CACNA1B: variants seen among roughly 807,000 people sequenced by gnomAD.
CACNA1B encodes the protein voltage-dependent N-type calcium channel subunit alpha-1B.
Under a neutral mutation model 247.2 loss-of-function variants are expected in CACNA1B, and 70 were observed. That is an observed-to-expected ratio of 0.28 (90% confidence interval 0.23 to 0.35). The LOEUF is 0.35. CACNA1B is among the 10% of genes least tolerant of loss of function. CACNA1B has a pLI of 1.00. For missense variants in CACNA1B, 2,367 were observed against 3,197.4 expected (o/e 0.74, Z 6.26); for synonymous variants, 1,231 against 1,294.4 (o/e 0.95, Z 1.05).
At chr9:138,089,062 A>G (rs539388919) in intron 36 of CACNA1B, among the ~76,000 whole-genome samples, 77 of 151,542 alleles carry the variant, frequency 5.1e-4, no homozygotes, top group Non-Finnish European at 8.8e-4. Flanking sequence ...AAGAACTAAC[A>G]CCTGTTCTTC....
intron 36 of CACNA1B, among the ~76,000 whole-genome samples, chr9:138,088,897 T>G (rs961968303): frequency 7.3e-6 from 1 of 137,770 alleles, no homozygotes; most frequent in African/African-American, 2.7e-5. Context: ...AGGCAGAGGT[T>G]GTAGTGACCG....
At chr9:137,894,630 G>T (rs1036062818) in intron 3 of CACNA1B, among the ~76,000 whole-genome samples, 8 of 152,024 alleles carry the variant, frequency 5.3e-5, no homozygotes, top group Non-Finnish European at 8.8e-5. Flanking sequence ...GGATGATCTC[G>T]ATCTCCTGAC....
intron 6 of CACNA1B, among the ~76,000 whole-genome samples, chr9:137,937,947 C>CAAAAAAAAAAAAA (rs57680122): frequency 1.4e-4 from 3 of 21,934 alleles, no homozygotes; most frequent in Non-Finnish European, 1.8e-4. Context: ...AACTCTGTCT[C>CAAAAAAAAAAAAA]AAAAAAAAAA....
intron 15 of CACNA1B, among the ~76,000 whole-genome samples, chr9:137,989,209 G>A (rs2133386258): frequency 6.6e-6 from 1 of 152,268 alleles, no homozygotes; most frequent in East Asian, 1.9e-4. Context: ...TATGAAAAAA[G>A]GCACCTAAGA....
intron 36 of CACNA1B, among the ~76,000 whole-genome samples, chr9:138,096,236 G>A (rs1340933667): frequency 6.6e-6 from 1 of 152,164 alleles, no homozygotes; most frequent in Non-Finnish European, 1.5e-5. Context: ...GAGGAAGGGA[G>A]GGAGGGTCAT....
intron 3 of CACNA1B, among the ~76,000 whole-genome samples, chr9:137,905,848 C>T (rs535382777): frequency 2.6e-5 from 4 of 152,334 alleles, no homozygotes; most frequent in South Asian, 2.1e-4. Context: ...TGTCACCTCC[C>T]GACAAGTGAA....
At chr9:137,994,799 C>T (rs1958476890) in intron 15 of CACNA1B, among the ~76,000 whole-genome samples, 1 of 152,192 alleles carries the variant, frequency 6.6e-6, no homozygotes, top group Non-Finnish European at 1.5e-5. Flanking sequence ...AAGCAATCTA[C>T]AAATTCAATG....
At chr9:138,034,563 G>C (rs1959021189) in intron 20 of CACNA1B, among the ~76,000 whole-genome samples, 1 of 151,688 alleles carries the variant, frequency 6.6e-6, no homozygotes, top group African/African-American at 2.4e-5. Context: ...ACTAGGGAGA[G>C]CTGGGTTTAT....
At chr9:138,022,915 C>T in intron 18 of CACNA1B, 96 bp from the exon 19 acceptor site, 1 of 1,367,682 alleles carries the variant, frequency 7.3e-7, no homozygotes, top group Non-Finnish European at 9.4e-7. Flanking sequence ...CACCTCCCTG[C>T]GCCATTACTC....
At chr9:138,055,702 C>T (rs1229819860) in intron 26 of CACNA1B, among the ~76,000 whole-genome samples, 3 of 152,102 alleles carry the variant, frequency 2.0e-5, no homozygotes, top group Non-Finnish European at 4.4e-5. Flanking sequence ...CATTCTTACC[C>T]AGTGTAATGG....
At position 138,121,450 on chromosome 9, in the gene CACNA1B, C is replaced by A; in HGVS notation, c.6490-19C>A. The A allele has an allele frequency of 3.7e-5, 34 of 912,904 alleles. No homozygotes were observed. Among genetic ancestry groups the A allele is most frequent in the Non-Finnish European group, 5.0e-5 (32 of 639,852 alleles). 56.6% of individuals were successfully genotyped at this position (912,904 alleles called of 1,614,324 possible). A position where few individuals can be genotyped will look rare whatever the true frequency, so the allele number is the denominator to read the frequency against. On this transcript the variant is annotated intron_variant, in intron 46 of 46. Coordinates refer to ENST00000371372, the MANE Select transcript of CACNA1B (RefSeq NM_000718.4). The surrounding 1 kb of genome is among the most constrained non-coding windows in gnomAD (Gnocchi z 6.8). Reference sequence around the variant, plus strand: ...TTTTTTTTTTTACCTCTGATTTGTTCTGGTCCATTTTCATGTAGGGCAGTG... The same window carrying A: ...TTTTTTTTTTTACCTCTGATTTGTTATGGTCCATTTTCATGTAGGGCAGTG...
chr9:137,902,347 C>T (rs1957249466), intron 3 of CACNA1B, among the ~76,000 whole-genome samples: 1 of 152,170 alleles, frequency 6.6e-6, no homozygotes. Context: ...CCTAGCCCCT[C>T]CCCAACACCC....
In CACNA1B at chr9:138,078,228, C is replaced by T. The variant is rs1451837403; in HGVS notation, c.5064C>T (p.Phe1688=). 8 of 1,613,858 alleles carry T rather than the reference C, an allele frequency of 5.0e-6. No homozygotes were observed. Among genetic ancestry groups the T allele is most frequent in the African/African-American group, 4.0e-5 (3 of 74,928 alleles). The part of the protein sequence containing the change: ...ECGSDFAYFY[F]VSFIFLCSFL... ...GAAGTGACTTTGCCTACTTCTACTT[C>T]GTCTCCTTCATCTTCCTGTGCTCCT... Residue 1688 remains phenylalanine, a synonymous_variant, in exon 36 of 47, where the codon TTC becomes TTT. Transcript: ENST00000371372.
intron 38 of CACNA1B, 45 bp from the exon 39 acceptor site, chr9:138,105,654 G>A: frequency 1.9e-6 from 2 of 1,069,198 alleles, no homozygotes; most frequent in Non-Finnish European, 2.8e-6. Context: ...GGGGTGGGGG[G>A]TGACCCCAGC....
chr9:137,935,278 G>T (rs1019174581), intron 6 of CACNA1B, among the ~76,000 whole-genome samples: 1 of 151,756 alleles, frequency 6.6e-6, no homozygotes, highest in Non-Finnish European at 1.5e-5. Context: ...GACAGGCTCC[G>T]GCGTGTGATG....
At chr9:137,901,209 CTG>C (rs1322911266) in intron 3 of CACNA1B, among the ~76,000 whole-genome samples, 1 of 148,444 alleles carries the variant, frequency 6.7e-6, no homozygotes, top group Non-Finnish European at 1.5e-5. Flanking sequence ...CTGTGTGTCT[CTG>C]TGTCTGTGTC....
At chr9:138,056,449 C>T (rs770185710) in intron 26 of CACNA1B, among the ~76,000 whole-genome samples, 5 of 152,204 alleles carry the variant, frequency 3.3e-5, no homozygotes, top group Non-Finnish European at 7.3e-5. Flanking sequence ...CTGTGCTGTG[C>T]CACATTTTCC....
At chr9:138,013,354 G>A in intron 18 of CACNA1B, 119 bp downstream of exon 18, 1 of 674,316 alleles carries the variant, frequency 1.5e-6, no homozygotes, top group Non-Finnish European at 2.5e-6. Context: ...GGCCTTGGCG[G>A]GTGAGGACAC....
At chr9:138,004,294 C>T (rs148412831) in intron 15 of CACNA1B, among the ~76,000 whole-genome samples, 2 of 152,094 alleles carry the variant, frequency 1.3e-5, no homozygotes, top group Non-Finnish European at 2.9e-5. Flanking sequence ...CCCTGGTAAT[C>T]TCAGCACTGC....
Sources: allele counts gnomAD v4.1 joint callset (sites outside exome capture counted in the v4.1 genomes callset), GRCh38; gene constraint gnomAD v4.1.1; non-coding constraint Gnocchi (gnomAD v3.1); transcripts MANE v1.5; gene names NCBI Gene and HGNC (gene_info 2026-07-23, HGNC 2026-07-21).